The following SLC38A5 variants were observed in gnomAD, a reference collection of about 807,000 sequenced individuals.
The protein encoded by SLC38A5 is solute carrier family 38 member 5, also known as sodium-coupled neutral amino acid transporter 5.
SLC38A5 carries 9 observed loss-of-function variants against 34.6 expected under a neutral mutation model. The ratio of observed to expected loss-of-function variants is 0.26; its 90% CI spans 0.16 to 0.45. The LOEUF is 0.45. Ranked by LOEUF, SLC38A5 falls within the 20% of genes least tolerant of loss-of-function variation. The pLI is 1.00. For synonymous variants in SLC38A5, 157 were observed against 155.6 expected (o/e 1.01, Z -0.07); for missense variants, 253 against 394.7 (o/e 0.64, Z 3.04).
At position 48,462,134 on chromosome X, in the gene SLC38A5, T is replaced by C; in HGVS notation, c.644A>G (p.Lys215Arg). ...MLFFLVSVIY[K>R]KFQLGCAIGH... The stretch of plus-strand genomic sequence containing the variant: ...TATAGCACAGCCAAGTTGGAACTTC[T>C]TGTAGATGACCTGAGGATGGGGGCA... Residue 215 changes from lysine (K) to arginine (R), a missense_variant, in exon 11 of 17, where the codon AAG (lysine) becomes AGG (arginine). By Grantham distance (26) the Lys-to-Arg change is conservative. Coordinates refer to ENST00000620913, the MANE Select transcript of SLC38A5 (RefSeq NM_033518.4). 2.5e-6 allele frequency: 3 copies of C among 1,206,603 alleles called. No individual in the cohort carries two copies. Among genetic ancestry groups the C allele is most frequent in the Non-Finnish European group, 2.2e-6 (2 of 891,998 alleles).
intron 15 of SLC38A5, 28 bp from the exon 16 acceptor site, chrX:48,459,667 T>C (rs782197588): frequency 8.5e-7 from 1 of 1,170,338 alleles, no homozygotes; most frequent in Non-Finnish European, 1.1e-6. Context: ...GGGACAGGAG[T>C]CAACCTGACT....
intron 14 of SLC38A5, 136 bp downstream of exon 14, chrX:48,460,513 G>A (rs2272657): frequency 0.34 from 196,999 of 578,823 alleles, 24,776 homozygotes; most frequent in Middle Eastern, 0.47. Flanking sequence ...ATCTGAAAAC[G>A]CTGCCCTTTC....
At chrX:48,459,957 C>T in intron 14 of SLC38A5, 81 bp from the exon 15 acceptor site, 1 of 1,116,606 alleles carries the variant, frequency 9.0e-7, no homozygotes, top group East Asian at 3.1e-5. Context: ...TTTAGCTCCA[C>T]CCTCTGGCTG....
rs192436570 is a variant in SLC38A5 at position 48,468,306 on chromosome X, C to A, written c.-1-381G>T. ...TCTCCTCCCAGACCCCAGACTCACG[C>A]TGTCTCTCTTGCCATCTGTGTCTTT... On this transcript the variant is annotated intron_variant, in intron 2 of 16. Coordinates refer to ENST00000620913, the MANE Select transcript of SLC38A5 (RefSeq NM_033518.4). 14 of 832,697 alleles carry A rather than the reference C, an allele frequency of 1.7e-5. No homozygotes were observed. In the Admixed American group the frequency reaches 4.7e-4, roughly 28 times the overall value. 68.6% of individuals were successfully genotyped at this position (832,697 alleles called of 1,213,427 possible).
At chrX:48,468,025 G>T (rs782329028) in intron 2 of SLC38A5, 100 bp from the exon 3 acceptor site, 328 of 859,295 alleles carry the variant, frequency 3.8e-4, no homozygotes, top group Non-Finnish European at 5.1e-4. Context: ...CATAGAGACC[G>T]ATGGAAAGAC....
rs191310122 is a variant in SLC38A5 at position 48,460,512 on chromosome X, C to T, written c.1068+137G>A. 2.5e-4 allele frequency: 145 copies of T among 582,028 alleles called. No homozygotes were observed. The East Asian group carries it at 4.7e-3, about 19-fold the overall frequency. 48.0% of individuals were successfully genotyped at this position (582,028 alleles called of 1,213,427 possible). A position where few individuals can be genotyped will look rare whatever the true frequency, so the allele number is the denominator to read the frequency against. On this transcript the variant is annotated intron_variant, in intron 14 of 16. Transcript: ENST00000620913. ...TTTGCCATCTCTGTCCATCTGAAAA[C>T]GCTGCCCTTTCCTGTCTGTCCATCC...
intron 2 of SLC38A5, chrX:48,468,683 C>T (rs1481322366): frequency 4.6e-6 from 1 of 216,222 alleles, no homozygotes; most frequent in African/African-American, 3.1e-5. Context: ...AATTCTAGGG[C>T]CTAGAGGTCT....
chrX:48,467,500 A>G, intron 4 of SLC38A5: 1 of 443,558 alleles, frequency 2.3e-6, no homozygotes, highest in South Asian at 3.4e-5. Context: ...GCGGGTGGGG[A>G]GAAACAAGGC....
rs2147052251 is a variant in SLC38A5, at chrX:48,458,691, TCC to T, written c.*240_*241del. 1 of 987,897 alleles carries T rather than the reference TCC, an allele frequency of 1.0e-6. No individual in the cohort carries two copies. Among genetic ancestry groups the T allele is most frequent in the Non-Finnish European group, 1.3e-6 (1 of 784,597 alleles). 81.4% of individuals were successfully genotyped at this position (987,897 alleles called of 1,213,427 possible). On this transcript the variant is annotated 3_prime_UTR_variant, in exon 17 of 17. Coordinates refer to ENST00000620913, the MANE Select transcript of SLC38A5 (RefSeq NM_033518.4). ...CTCCTCCTCCTCCTCCTCCTCCTCC[TCC>T]TCTTCTTCCTCCTCCTCCTCCTCCC... is the stretch of plus-strand genomic sequence containing the variant.
At chrX:48,465,237 G>C (rs1556962922) in intron 8 of SLC38A5, among the ~76,000 whole-genome samples, 1 of 111,563 alleles carries the variant, frequency 9.0e-6, no homozygotes, top group African/African-American at 3.3e-5. Context: ...CAGTCAGCCA[G>C]ATGCATAATC....
Position 48,458,891 on chromosome X carries a change from T to A in SLC38A5, c.*42A>T. 1.7e-6 allele frequency: 2 copies of A among 1,161,471 alleles called. No homozygotes were observed. The highest frequency in any genetic ancestry group is 2.3e-6 in the Non-Finnish European group (2 of 869,585). On this transcript the variant is annotated 3_prime_UTR_variant, in exon 17 of 17. Transcript: ENST00000620913. ...GACCCTAGGGAGCGGCCCTGACCCC[T>A]CCATGTGCATGCGCACAGGGACCTG...
chrX:48,458,699 TTCC>T lies in SLC38A5; in HGVS notation c.*231_*233del, dbSNP rs369185477. On this transcript the variant is annotated 3_prime_UTR_variant, in exon 17 of 17. Transcript: ENST00000620913. ...CCTCCTCCTCCTCCTCCTCCTCTTC[TTCC>T]TCCTCCTCCTCCTCCCATGGGGTTG... The T allele has an allele frequency of 2.3e-4, 209 of 902,192 alleles. No individual in the cohort carries two copies. The African/African-American group carries it at 2.9e-3, about 12-fold the overall frequency. 74.4% of individuals were successfully genotyped at this position (902,192 alleles called of 1,213,427 possible).
At position 48,466,836 on chromosome X, in the gene SLC38A5, G is replaced by A. The variant is rs142811166; in HGVS notation, c.282C>T (p.Tyr94=). Residue 94 remains tyrosine, a synonymous_variant, in exon 6 of 17, where the codon TAC becomes TAT. Coordinates refer to ENST00000620913, the MANE Select transcript of SLC38A5 (RefSeq NM_033518.4). ...CACAGGTCAGCAGGAGGTGGATGGA[G>A]TAGGACGACAGAAGCGCAATGCACA... ...LLLCIALLSS[Y]SIHLLLTCAG... 7.4e-5 allele frequency: 89 copies of A among 1,204,829 alleles called. No individual in the cohort carries two copies. In the South Asian group the frequency reaches 1.2e-3, roughly 16 times the overall value.
At chrX:48,468,556 C>A (rs1284219377) in intron 2 of SLC38A5, 13 of 260,691 alleles carry the variant, frequency 5.0e-5, no homozygotes, top group Non-Finnish European at 6.8e-5. Context: ...CTGCCCCAGA[C>A]GCTGCAAACT....
intron 6 of SLC38A5, among the ~76,000 whole-genome samples, chrX:48,466,593 C>T (rs1221394459): frequency 2.8e-5 from 1 of 35,462 alleles, no homozygotes; most frequent in African/African-American, 1.2e-4. Flanking sequence ...GCTGGGGAAC[C>T]GGGGACTGAG....
chrX:48,468,382 C>T (rs1244217539), intron 2 of SLC38A5: 6 of 764,257 alleles, frequency 7.9e-6, no homozygotes, highest in African/African-American at 4.7e-5. Context: ...ACCCTCACCG[C>T]GTGGCCAGGC....
Position 48,462,072 on chromosome X carries a change from C to A in SLC38A5, c.706G>T (p.Val236Leu). ...NETAMESEAL[V>L]GLPSQGLNSS... ...TTGAGTCCTTGGCTGGGGAGTCCCA[C>A]GAGAGCTTCACTCTCCATTGCTGTT... The change falls in exon 11 of 17, where the codon GTG (valine) becomes TTG (leucine). Residue 236 changes from valine (V) to leucine (L), a missense_variant. Around this residue, in one of 3 missense-constraint regions of SLC38A5, gnomAD observed 176 missense variants for 273.0 expected, o/e 0.64. Transcript: ENST00000620913. The A allele has an allele frequency of 8.6e-7, 1 of 1,167,788 alleles. No homozygotes were observed. The highest frequency in any genetic ancestry group is 1.1e-6 in the Non-Finnish European group (1 of 871,457).
At position 48,467,476 on chromosome X, in the gene SLC38A5, C is replaced by T. The variant is rs782810387; in HGVS notation, c.129+234G>A. The T allele has an allele frequency of 9.4e-6, 4 of 425,958 alleles. No homozygotes were observed. In the East Asian group the frequency reaches 1.5e-4, roughly 16 times the overall value. The allele number at this position is 425,958 out of a possible 1,213,427, so 35.1% of individuals were successfully genotyped here. A position where few individuals can be genotyped will look rare whatever the true frequency, so the allele number is the denominator to read the frequency against. On this transcript the variant is annotated intron_variant, in intron 4 of 16. Coordinates refer to ENST00000620913, the MANE Select transcript of SLC38A5 (RefSeq NM_033518.4). ...GAGGGGAGCAGCCAGGGAGGGCAGT[C>T]ACTGGGCCGAAGAGCGGGTGGGGAG...
chrX:48,467,812 G>T, intron 3 of SLC38A5, 27 bp from the exon 4 acceptor site: 1 of 1,202,900 alleles, frequency 8.3e-7, no homozygotes, highest in South Asian at 1.8e-5. Flanking sequence ...AATAGGGGCC[G>T]ATAAGAGGGA....
Sources: allele counts gnomAD v4.1 joint callset (sites outside exome capture counted in the v4.1 genomes callset), GRCh38; gene constraint gnomAD v4.1.1; regional missense constraint gnomAD v4.1.1; transcripts MANE v1.5; gene names NCBI Gene and HGNC (gene_info 2026-07-23, HGNC 2026-07-21).